BAG4: variants seen among roughly 807,000 people sequenced by gnomAD.
BAG4 encodes BAG cochaperone 4, also known as BAG family molecular chaperone regulator 4.
In BAG4, 28 loss-of-function variants were observed where a neutral mutation model predicts 52.1. That is an observed-to-expected ratio of 0.54 (90% confidence interval 0.40 to 0.74). BAG4 has a LOEUF of 0.74. BAG4 is among the 30% of genes least tolerant of loss of function. BAG4 has a pLI of 0.00. For synonymous variants in BAG4, 208 were observed against 217.0 expected (o/e 0.96, Z 0.37); for missense variants, 525 against 572.0 (o/e 0.92, Z 0.84).
At chr8:38,192,642 T>G in intron 1 of BAG4, 46 bp from the exon 2 acceptor site, 1 of 1,409,652 alleles carries the variant, frequency 7.1e-7, no homozygotes. Flanking sequence ...CTTAAAATGA[T>G]GTATGAATGT....
chr8:38,210,258 T>G lies in BAG4; in HGVS notation c.1139T>G (p.Ile380Ser). The change falls in exon 5 of 5, where the codon ATT (isoleucine) becomes AGT (serine). Residue 380 changes from isoleucine to serine, a missense_variant. Transcript: ENST00000287322. ...VPSDESTPPS[I>S]KKIIHVLEKV... is the part of the protein sequence containing the mutation. ...TCAGATGAAAGTACTCCTCCGAGTATTAAAAAAATCATACATGTGCTGGAG... is the reference window on the plus strand; with the variant it reads ...TCAGATGAAAGTACTCCTCCGAGTAGTAAAAAAATCATACATGTGCTGGAG... 1.2e-6 allele frequency: 2 copies of G among 1,614,146 alleles called. No individual in the cohort carries two copies. Among genetic ancestry groups the G allele is most frequent in the Non-Finnish European group, 1.7e-6 (2 of 1,180,024 alleles).
chr8:38,206,229 C>A (rs1379150551), intron 2 of BAG4, among the ~76,000 whole-genome samples: 1 of 149,242 alleles, frequency 6.7e-6, no homozygotes, highest in East Asian at 2.0e-4. Flanking sequence ...GAGCCAAGAT[C>A]TTGCTACTGC....
At chr8:38,191,250 A>G (rs1803468676) in intron 1 of BAG4, among the ~76,000 whole-genome samples, 1 of 152,222 alleles carries the variant, frequency 6.6e-6, no homozygotes, top group Non-Finnish European at 1.5e-5. Flanking sequence ...CCCGCATAAC[A>G]GTACCAAGAT....
In BAG4 at chr8:38,209,161, C is replaced by T; in HGVS notation, c.782C>T (p.Ala261Val). The change falls in exon 4 of 5, where the codon GCG becomes GTG. Residue 261 changes from alanine (A) to valine (V), a missense_variant. Around this residue, in one of 2 missense-constraint regions of BAG4, gnomAD observed 238 missense variants for 305.8 expected, o/e 0.78. Coordinates refer to ENST00000287322, the MANE Select transcript of BAG4 (RefSeq NM_004874.4). ...MGGRYPWPSS[A>V]PSAPPGNLYM... ...GGCCGTTATCCCTGGCCTTCATCAGCGCCCTCAGCACCACCCGGCAATCTC... is the reference window on the plus strand; with the variant it reads ...GGCCGTTATCCCTGGCCTTCATCAGTGCCCTCAGCACCACCCGGCAATCTC... 3 of 1,614,152 alleles carry T rather than the reference C, an allele frequency of 1.9e-6. No homozygotes were observed. Among genetic ancestry groups the T allele is most frequent in the African/African-American group, 1.3e-5 (1 of 75,026 alleles).
At chr8:38,205,574 T>G (rs1803757220) in intron 2 of BAG4, among the ~76,000 whole-genome samples, 2 of 152,194 alleles carry the variant, frequency 1.3e-5, no homozygotes, top group African/African-American at 4.8e-5. Flanking sequence ...ACATAATGTT[T>G]TATTAAGTCT....
intron 1 of BAG4, among the ~76,000 whole-genome samples, chr8:38,180,305 C>G (rs1158394224): frequency 1.3e-5 from 2 of 151,754 alleles, no homozygotes; most frequent in Non-Finnish European, 2.9e-5. Context: ...GGTGGATCAC[C>G]TGAGGTCAGG....
chr8:38,210,136 C>G lies in BAG4; in HGVS notation c.1017C>G (p.Val339=). The G allele has an allele frequency of 1.2e-6, 2 of 1,614,090 alleles. No homozygotes were observed. The highest frequency in any genetic ancestry group is 1.7e-6 in the Non-Finnish European group (2 of 1,180,030). The change falls in exon 5 of 5, where the codon GTC becomes GTG. Residue 339 remains valine, a synonymous_variant. Transcript: ENST00000287322. ...NDDSDLLDSQ[V]QYSAEPQLYG... is the part of the protein sequence containing the mutation. ...ATTCAGATCTTTTGGATTCCCAAGT[C>G]CAGTATAGTGCTGAGCCTCAGCTGT...
At chr8:38,188,036 C>CA (rs1157770485) in intron 1 of BAG4, among the ~76,000 whole-genome samples, 9,752 of 36,680 alleles carry the variant, frequency 0.27, 1,826 homozygotes, top group Non-Finnish European at 0.36. Flanking sequence ...GACTCCGTCT[C>CA]AAAAAAAAAA....
At chr8:38,184,853 G>T (rs1043024202) in intron 1 of BAG4, among the ~76,000 whole-genome samples, 1 of 152,212 alleles carries the variant, frequency 6.6e-6, no homozygotes, top group African/African-American at 2.4e-5. Context: ...CGCTTTGGGA[G>T]GCTGAGGTGG....
Position 38,211,008 on chromosome 8 carries a change from GTAT to G in BAG4, c.*520_*522del, listed in dbSNP as rs1000321098. The G allele has an allele frequency of 3.3e-5, 5 of 152,996 alleles. No individual in the cohort carries two copies. Among genetic ancestry groups the G allele is most frequent in the Non-Finnish European group, 5.8e-5 (4 of 68,470 alleles). 9.5% of individuals were successfully genotyped at this position (152,996 alleles called of 1,614,324 possible). A position where few individuals can be genotyped will look rare whatever the true frequency, so the allele number is the denominator to read the frequency against. On this transcript the variant is annotated 3_prime_UTR_variant, in exon 5 of 5. Coordinates refer to ENST00000287322, the MANE Select transcript of BAG4 (RefSeq NM_004874.4). ...TTGTTATTTGCAGTTTACAAATATA[GTAT>G]TATTCTCTACTTCTTGGTACATTTT...
Position 38,213,205 on chromosome 8 carries a change from A to T in BAG4, c.*2712A>T, listed in dbSNP as rs180939735. ...ATTCAAAGTTTTCTTGAAATTTCAC[A>T]TCTGGACTTTTTAAAGTGTCTACAT... On this transcript the variant is annotated 3_prime_UTR_variant, in exon 5 of 5. Transcript: ENST00000287322. The T allele has an allele frequency of 1.1e-4, 16 of 152,268 alleles. No homozygotes were observed. Among genetic ancestry groups the T allele is most frequent in the Admixed American group, 7.2e-4 (11 of 15,286 alleles). 9.4% of individuals were successfully genotyped at this position (152,268 alleles called of 1,614,324 possible).
chr8:38,203,570 A>C (rs1210503754), intron 2 of BAG4, among the ~76,000 whole-genome samples: 1 of 152,178 alleles, frequency 6.6e-6, no homozygotes, highest in African/African-American at 2.4e-5. Context: ...GGTGTGAGCC[A>C]CCGTGCCTGG....
At position 38,210,332 on chromosome 8, in the gene BAG4, A is replaced by G. The variant is rs756033948; in HGVS notation, c.1213A>G (p.Thr405Ala). 1.9e-6 allele frequency: 3 copies of G among 1,614,230 alleles called. No individual in the cohort carries two copies. Among genetic ancestry groups the G allele is most frequent in the Admixed American group, 1.7e-5 (1 of 60,024 alleles). Reference protein sequence around the residue: ...QEVEEFVGKKTDKAYWLLEEM... With the variant: ...QEVEEFVGKKADKAYWLLEEM... ...AGTAGAAGAATTTGTAGGAAAAAAG[A>G]CAGACAAAGCATACTGGCTTCTGGA... Residue 405 changes from threonine (T) to alanine (A), a missense_variant, in exon 5 of 5, where the codon ACA becomes GCA. Physicochemically the swap from Thr to Ala is moderately conservative, Grantham distance 58 (BLOSUM62 0). This residue lies in a region of BAG4 where 238 missense variants were observed against 305.8 expected (regional missense o/e 0.78). Transcript: ENST00000287322.
chr8:38,183,223 A>G (rs1471645211), intron 1 of BAG4, among the ~76,000 whole-genome samples: 2 of 150,496 alleles, frequency 1.3e-5, no homozygotes, highest in Non-Finnish European at 3.0e-5. Flanking sequence ...TTTTTTTTGT[A>G]TTTTTAGTAG....
At chr8:38,198,370 C>T (rs11776088) in intron 2 of BAG4, among the ~76,000 whole-genome samples, 8 of 134,784 alleles carry the variant, frequency 5.9e-5, no homozygotes, top group East Asian at 2.2e-4. Context: ...GGCAACAGAG[C>T]GAGACTCCCA....
At chr8:38,203,281 A>ATTT (rs751296737) in intron 2 of BAG4, among the ~76,000 whole-genome samples, 4 of 123,490 alleles carry the variant, frequency 3.2e-5, no homozygotes, top group South Asian at 2.6e-4. Flanking sequence ...GTCTTGAGGA[A>ATTT]TTTTTTTTTT....
intron 2 of BAG4, among the ~76,000 whole-genome samples, chr8:38,200,005 C>T (rs1366281799): frequency 7.0e-6 from 1 of 142,010 alleles, no homozygotes; most frequent in African/African-American, 2.6e-5. Flanking sequence ...TATCTTGGTA[C>T]CCCCTTTTTT....
chr8:38,177,226 C>G, intron 1 of BAG4, 87 bp downstream of exon 1: 5 of 1,542,110 alleles, frequency 3.2e-6, no homozygotes, highest in Non-Finnish European at 4.4e-6. Context: ...ACTTGTTTTC[C>G]TTATGTGGAG....
chr8:38,210,765 A>G lies in BAG4; in HGVS notation c.*272A>G, dbSNP rs1244353612. 1.8e-5 allele frequency: 5 copies of G among 278,280 alleles called. No homozygotes were observed. The highest frequency in any genetic ancestry group is 1.3e-5 in the Non-Finnish European group (2 of 150,958). The allele number at this position is 278,280 out of a possible 1,614,324, so 17.2% of individuals were successfully genotyped here. A position where few individuals can be genotyped will look rare whatever the true frequency, so the allele number is the denominator to read the frequency against. On this transcript the variant is annotated 3_prime_UTR_variant, in exon 5 of 5. Transcript: ENST00000287322. ...CTCCTTAAAAAATTTATGGATATCT[A>G]CAAGCTGCTTCTTACCAGCAGGAGG...
Sources: gnomAD v4.1 joint callset for allele counts (sites outside exome capture counted in the v4.1 genomes callset) on GRCh38, gnomAD v4.1.1 for gene constraint, gnomAD v4.1.1 regional missense constraint, MANE v1.5 for transcripts, NCBI Gene and HGNC (gene_info 2026-07-23, HGNC 2026-07-21) for gene names.